The following CTNND2 variants were observed in gnomAD, a reference collection of about 807,000 sequenced individuals.
CTNND2 encodes the protein catenin delta 2, also known as catenin delta-2.
A neutral mutation model predicts 144.4 loss-of-function variants in CTNND2; 22 were observed. That is an observed-to-expected ratio of 0.15 (90% CI 0.11 to 0.22). The LOEUF (loss-of-function observed/expected upper bound fraction) is 0.22. Among genes scored for constraint, CTNND2 ranks in the 10% least tolerant of loss-of-function variants. The pLI, the probability that CTNND2 is intolerant of heterozygous loss-of-function variation, is 1.00. For missense variants in CTNND2, 1,353 were observed against 1,618.8 expected (o/e 0.84, Z 2.82); for synonymous variants, 751 against 695.6 (o/e 1.08, Z -1.25).
intron 3 of CTNND2, among the ~76,000 whole-genome samples, chr5:11,493,291 G>A (rs565479344): frequency 3.3e-5 from 5 of 152,208 alleles, no homozygotes; most frequent in African/African-American, 1.2e-4. Flanking sequence ...TGAGTTTGAA[G>A]TATCAGGGAT....
intron 2 of CTNND2, among the ~76,000 whole-genome samples, chr5:11,694,610 CCT>C (rs1254673741): frequency 3.9e-5 from 6 of 152,046 alleles, no homozygotes; most frequent in Non-Finnish European, 5.9e-5. Flanking sequence ...CTGTGAATAC[CCT>C]GTTTGTTAAT....
intron 12 of CTNND2, among the ~76,000 whole-genome samples, chr5:11,144,162 C>T (rs766396587): frequency 3.3e-5 from 5 of 152,218 alleles, no homozygotes; most frequent in Admixed American, 6.5e-5. Context: ...GATCCTTAGT[C>T]TGCCACTTGG....
chr5:11,610,556 C>A (rs995493834), intron 2 of CTNND2, among the ~76,000 whole-genome samples: 1 of 152,120 alleles, frequency 6.6e-6, no homozygotes, highest in Non-Finnish European at 1.5e-5. Flanking sequence ...CCCAGGGAAC[C>A]CACCGTCCAA....
chr5:11,335,947 C>T (rs973112698), intron 9 of CTNND2, among the ~76,000 whole-genome samples: 1 of 151,962 alleles, frequency 6.6e-6, no homozygotes, highest in African/African-American at 2.4e-5. Context: ...TAGGATGTAA[C>T]CTTTGTAACT....
chr5:11,880,505 TACTACTACTACC>T lies in CTNND2; in HGVS notation c.37+23300_37+23311del, dbSNP rs1323067971. On this transcript the variant is annotated intron_variant, in intron 1 of 21. Transcript: ENST00000304623. ...CAACCACTACTACTGCTACTAGTAC[TACTACTACTACC>T]ACTACTACTACTACCACCACCACTA... Among the ~76,000 whole-genome samples the T allele has an allele frequency of 1.9e-3, 249 of 133,818 alleles. 19 individuals are homozygous for T. The highest frequency in any genetic ancestry group is 2.8e-3 in the Non-Finnish European group (172 of 61,434). The allele number at this position is 133,818 out of a possible 152,430, so 87.8% of individuals were successfully genotyped here.
chr5:11,293,494 C>T (rs1318790088), intron 9 of CTNND2, among the ~76,000 whole-genome samples: 2 of 152,112 alleles, frequency 1.3e-5, no homozygotes, highest in African/African-American at 4.8e-5. Context: ...TAACATGCTC[C>T]ACTGCACATT....
chr5:11,490,587 T>C (rs2149992501), intron 3 of CTNND2, among the ~76,000 whole-genome samples: 1 of 152,252 alleles, frequency 6.6e-6, no homozygotes, highest in Non-Finnish European at 1.5e-5. Context: ...ATGTTGGCCT[T>C]AAGAAATAAA....
chr5:11,268,089 AG>A (rs1258174555), intron 9 of CTNND2, among the ~76,000 whole-genome samples: 1 of 152,240 alleles, frequency 6.6e-6, no homozygotes, highest in Non-Finnish European at 1.5e-5. Context: ...TGAAAGAAGT[AG>A]GGGTTTTTAG....
chr5:11,390,639 T>C (rs1338246898), intron 6 of CTNND2, among the ~76,000 whole-genome samples: 2 of 152,226 alleles, frequency 1.3e-5, no homozygotes, highest in African/African-American at 2.4e-5. Context: ...TTTTCTTAAA[T>C]TGCCAGCAAG....
chr5:11,888,184 G>C (rs1480377628), intron 1 of CTNND2, among the ~76,000 whole-genome samples: 1 of 152,126 alleles, frequency 6.6e-6, no homozygotes, highest in Non-Finnish European at 1.5e-5. Flanking sequence ...AAATGTTGTT[G>C]AAACTTAGAA....
chr5:11,835,679 C>A (rs1277815672), intron 1 of CTNND2, among the ~76,000 whole-genome samples: 1 of 152,086 alleles, frequency 6.6e-6, no homozygotes, highest in African/African-American at 2.4e-5. Flanking sequence ...TTGCTAGTGT[C>A]GGTAATGTGT....
intron 16 of CTNND2, among the ~76,000 whole-genome samples, chr5:11,045,325 AGC>A (rs948927010): frequency 2.3e-4 from 35 of 152,286 alleles, no homozygotes; most frequent in African/African-American, 7.9e-4. Flanking sequence ...GGTGAAGGGA[AGC>A]CAGTGTGTGC....
At chr5:11,352,457 A>G (rs899278363) in intron 8 of CTNND2, among the ~76,000 whole-genome samples, 1 of 152,166 alleles carries the variant, frequency 6.6e-6, no homozygotes, top group Admixed American at 6.6e-5. Context: ...AGGGTTTAAT[A>G]CCTAGGTGAT....
intron 3 of CTNND2, among the ~76,000 whole-genome samples, chr5:11,548,346 T>C (rs1775443094): frequency 1.3e-5 from 2 of 152,216 alleles, no homozygotes. Context: ...ATTCTACTTC[T>C]TCAACAGAGT....
intron 6 of CTNND2, among the ~76,000 whole-genome samples, chr5:11,392,340 G>T (rs961373445): frequency 6.6e-6 from 1 of 152,100 alleles, no homozygotes; most frequent in African/African-American, 2.4e-5. Context: ...AAATAGAGAA[G>T]AAAGAAATAA....
At chr5:11,297,833 C>T (rs1008059085) in intron 9 of CTNND2, among the ~76,000 whole-genome samples, 2 of 152,104 alleles carry the variant, frequency 1.3e-5, no homozygotes, top group African/African-American at 2.4e-5. Context: ...AAATCTATTC[C>T]ACCCACCATT....
At chr5:11,853,830 C>T (rs1795128717) in intron 1 of CTNND2, among the ~76,000 whole-genome samples, 1 of 152,206 alleles carries the variant, frequency 6.6e-6, no homozygotes, top group African/African-American at 2.4e-5. Context: ...CGTTTAGTCA[C>T]TCTTGCCACC....
rs144897132 is a variant in CTNND2, at chr5:11,115,261, G to C, written c.2277+2189C>G. 1.2e-4 allele frequency among the ~76,000 whole-genome samples: 19 copies of C among 152,346 alleles called. 1 individual carries two copies. In the East Asian group the frequency reaches 2.7e-3, roughly 22 times the overall value. On this transcript the variant is annotated intron_variant, in intron 13 of 21. Coordinates refer to ENST00000304623, the MANE Select transcript of CTNND2 (RefSeq NM_001332.4). ...CATCTGACAGAAAGAAGATGTTTGT[G>C]CCATGTTGGTTCTTGAACCATGGCT... is the stretch of plus-strand genomic sequence containing the variant.
intron 3 of CTNND2, among the ~76,000 whole-genome samples, chr5:11,445,411 G>A (rs540699179): frequency 2.0e-4 from 31 of 152,272 alleles, no homozygotes; most frequent in East Asian, 1.4e-3. Context: ...TCAACATGTC[G>A]TTCTAGGGGA....
Sources: allele counts gnomAD v4.1 joint callset (sites outside exome capture counted in the v4.1 genomes callset), GRCh38; gene constraint gnomAD v4.1.1; transcripts MANE v1.5; gene names NCBI Gene and HGNC (gene_info 2026-07-23, HGNC 2026-07-21).